The following LCP1 variants were observed in gnomAD, a reference collection of about 807,000 sequenced individuals.
LCP1 encodes lymphocyte cytosolic protein 1, also known as plastin-2.
A neutral mutation model predicts 72.0 loss-of-function variants in LCP1; 23 were observed. The ratio of observed to expected loss-of-function variants is 0.32; its 90% CI spans 0.23 to 0.45. The LOEUF (loss-of-function observed/expected upper bound fraction) is 0.45, where lower values mean the gene tolerates loss of function less well. Among genes scored for constraint, LCP1 ranks in the 20% least tolerant of loss-of-function variants. LCP1 has a pLI of 1.00. For missense variants in LCP1, 571 were observed against 748.3 expected (o/e 0.76, Z 2.76); for synonymous variants, 245 against 275.4 (o/e 0.89, Z 1.09).
At chr13:46,178,736 T>TA (rs1419363137) in intron 1 of LCP1, among the ~76,000 whole-genome samples, 1 of 152,112 alleles carries the variant, frequency 6.6e-6, no homozygotes, top group Non-Finnish European at 1.5e-5. Flanking sequence ...AACTAGCAGA[T>TA]AAAAAAACAC....
In LCP1 at chr13:46,165,306, G is replaced by A. The variant is rs539396019; in HGVS notation, c.-24-5620C>T. On this transcript the variant is annotated intron_variant, in intron 1 of 15. Coordinates refer to ENST00000323076, the MANE Select transcript of LCP1 (RefSeq NM_002298.5). The stretch of plus-strand genomic sequence containing the variant: ...GGAGGATCACTTGAACCCAGGAAGC[G>A]GAGGTTGCAGTGAACTGAGATCATG... Among the ~76,000 whole-genome samples the A allele has an allele frequency of 2.2e-4, 34 of 152,086 alleles. No individual in the cohort carries two copies. The Middle Eastern group carries it at 0.01, about 46-fold the overall frequency.
At chr13:46,130,715 G>T in intron 15 of LCP1, 99 bp downstream of exon 15, 3 of 1,374,420 alleles carry the variant, frequency 2.2e-6, no homozygotes, top group African/African-American at 1.5e-5. Context: ...TAGTGAAAAT[G>T]AAATGTTTGT....
At position 46,127,679 on chromosome 13, in the gene LCP1, G is replaced by T; in HGVS notation, c.1796C>A (p.Ala599Asp). The change falls in exon 16 of 16, where the codon GCC (alanine) becomes GAC (aspartate). Residue 599 changes from alanine to aspartate, a missense_variant. Transcript: ENST00000323076. Reference sequence around the variant, plus strand: ...CACTTCAACCAGGTCTTCTGGCAGGGCATACACTCTTGCTCCAATTTTTCG... The same window carrying T: ...CACTTCAACCAGGTCTTCTGGCAGGTCATACACTCTTGCTCCAATTTTTCG... ...MARKIGARVY[A>D]LPEDLVEVNP... 1 of 1,614,072 alleles carries T rather than the reference G, an allele frequency of 6.2e-7. No homozygotes were observed. Among genetic ancestry groups the T allele is most frequent in the Non-Finnish European group, 8.5e-7 (1 of 1,179,992 alleles).
chr13:46,143,189 C>G (rs2045708548), intron 12 of LCP1, 101 bp downstream of exon 12: 8 of 705,314 alleles, frequency 1.1e-5, no homozygotes. Flanking sequence ...TCTGGAAAAA[C>G]ATTACTTGTC....
At chr13:46,142,077 G>A (rs2045701811) in intron 13 of LCP1, among the ~76,000 whole-genome samples, 1 of 151,624 alleles carries the variant, frequency 6.6e-6, no homozygotes, top group African/African-American at 2.4e-5. Flanking sequence ...AATCTAAACT[G>A]TTTATGAACC....
chr13:46,163,217 A>C (rs1358483531), intron 1 of LCP1, among the ~76,000 whole-genome samples: 5 of 152,246 alleles, frequency 3.3e-5, no homozygotes, highest in Non-Finnish European at 5.9e-5. Flanking sequence ...TGGGGAAAAG[A>C]TAGAGAAATC....
intron 8 of LCP1, among the ~76,000 whole-genome samples, chr13:46,149,898 G>A (rs1474347929): frequency 2.6e-5 from 4 of 152,200 alleles, no homozygotes; most frequent in Admixed American, 6.5e-5. Flanking sequence ...AACCCAGGTC[G>A]GTTGGTGGTG....
chr13:46,160,876 A>T (rs534789822), intron 1 of LCP1, among the ~76,000 whole-genome samples: 2 of 151,732 alleles, frequency 1.3e-5, no homozygotes, highest in South Asian at 2.1e-4. Flanking sequence ...TTATCGATTT[A>T]AAAAAAAATT....
intron 4 of LCP1, among the ~76,000 whole-genome samples, chr13:46,157,330 C>T (rs890636397): frequency 1.3e-5 from 2 of 152,010 alleles, no homozygotes; most frequent in Non-Finnish European, 2.9e-5. Context: ...CCGCTTTTAG[C>T]TCTGCTGGTT....
In LCP1 at chr13:46,127,565, C is replaced by A. The variant is rs370375791; in HGVS notation, c.*26G>T. 3 of 1,613,094 alleles carry A rather than the reference C, an allele frequency of 1.9e-6. No homozygotes were observed. The African/African-American group carries it at 4.0e-5, about 22-fold the overall frequency. ...GCCGGGCAGTCAGGAGTGAGTGCACCGCCTCCCACCCAGCCCCATTGGGCC... is the reference window on the plus strand; with the variant it reads ...GCCGGGCAGTCAGGAGTGAGTGCACAGCCTCCCACCCAGCCCCATTGGGCC... On this transcript the variant is annotated 3_prime_UTR_variant, in exon 16 of 16. Transcript: ENST00000323076.
intron 1 of LCP1, among the ~76,000 whole-genome samples, chr13:46,168,131 G>A (rs2045886596): frequency 6.6e-6 from 1 of 152,140 alleles, no homozygotes; most frequent in African/African-American, 2.4e-5. Flanking sequence ...ATAGAAGGAA[G>A]TGCCAAGCTT....
At chr13:46,167,695 A>G (rs927504404) in intron 1 of LCP1, among the ~76,000 whole-genome samples, 3 of 152,148 alleles carry the variant, frequency 2.0e-5, no homozygotes, top group African/African-American at 4.8e-5. Flanking sequence ...ATTATGGGCT[A>G]GCTGTTTAAC....
At chr13:46,163,176 G>A (rs1009770062) in intron 1 of LCP1, among the ~76,000 whole-genome samples, 2 of 152,266 alleles carry the variant, frequency 1.3e-5, no homozygotes, top group African/African-American at 2.4e-5. Flanking sequence ...GATGACAATG[G>A]CGGTTTTGTG....
chr13:46,145,718 G>A (rs971413089), intron 10 of LCP1, among the ~76,000 whole-genome samples: 1 of 81,162 alleles, frequency 1.2e-5, no homozygotes, highest in African/African-American at 6.5e-5. Flanking sequence ...GACCATCCCG[G>A]CTAAAATGGT....
Position 46,148,414 on chromosome 13 carries a change from C to T in LCP1, c.916G>A (p.Val306Met). The change falls in exon 9 of 16, where the codon GTG (valine) becomes ATG (methionine). Residue 306 changes from valine to methionine, a missense_variant. Physicochemically the swap from Val to Met is conservative, Grantham distance 21 (BLOSUM62 1). Coordinates refer to ENST00000323076, the MANE Select transcript of LCP1 (RefSeq NM_002298.5). Reference sequence around the variant, plus strand: ...CCTTCTTCATCTCCTTTTGGAGCCACCTGCTCAAGCAGGTGGTAATAAGCT... The same window carrying T: ...CCTTCTTCATCTCCTTTTGGAGCCATCTGCTCAAGCAGGTGGTAATAAGCT... ...SKAYYHLLEQ[V>M]APKGDEEGVP... The T allele has an allele frequency of 6.2e-7, 1 of 1,612,744 alleles. No homozygotes were observed. The highest frequency in any genetic ancestry group is 8.5e-7 in the Non-Finnish European group (1 of 1,179,770).
intron 13 of LCP1, among the ~76,000 whole-genome samples, chr13:46,140,016 G>A (rs987114392): frequency 1.3e-5 from 2 of 152,176 alleles, no homozygotes; most frequent in African/African-American, 4.8e-5. Flanking sequence ...AACAAAGTTA[G>A]CCTTAAGATT....
chr13:46,130,159 A>G (rs2138213784), intron 15 of LCP1, among the ~76,000 whole-genome samples: 1 of 152,344 alleles, frequency 6.6e-6, no homozygotes, highest in Middle Eastern at 3.4e-3. Flanking sequence ...ACGGAATCTG[A>G]TCTGAGAAAA....
chr13:46,175,324 C>T (rs576224818), intron 1 of LCP1, among the ~76,000 whole-genome samples: 34 of 152,220 alleles, frequency 2.2e-4, no homozygotes, highest in East Asian at 1.9e-4. Flanking sequence ...TCACACCTAG[C>T]GAGTAGATAG....
In LCP1 at chr13:46,140,661, G is replaced by A. The variant is rs1478615265; in HGVS notation, c.1502+1631C>T. 2.6e-5 allele frequency among the ~76,000 whole-genome samples: 4 copies of A among 152,090 alleles called. No individual in the cohort carries two copies. The East Asian group carries it at 7.7e-4, about 29-fold the overall frequency. ...GAAGCCAAAAAATATGACTCATAAT[G>A]AAGATAAAAATAAATTAGTAGAAAC... On this transcript the variant is annotated intron_variant, in intron 13 of 15. Transcript: ENST00000323076.
Sources: gnomAD v4.1 joint callset for allele counts (sites outside exome capture counted in the v4.1 genomes callset) on GRCh38, gnomAD v4.1.1 for gene constraint, MANE v1.5 for transcripts, NCBI Gene and HGNC (gene_info 2026-07-23, HGNC 2026-07-21) for gene names.